The following ADGRB3 variants were observed in gnomAD, a reference collection of about 807,000 sequenced individuals.
ADGRB3 encodes the protein adhesion G protein-coupled receptor B3, also known as brain-specific angiogenesis inhibitor 3.
In ADGRB3, 37 loss-of-function variants were observed where a neutral mutation model predicts 193.4. That is an observed-to-expected ratio of 0.19 (90% CI 0.15 to 0.25). The LOEUF (loss-of-function observed/expected upper bound fraction) is 0.25. ADGRB3 is among the 10% of genes least tolerant of loss of function. The probability of loss-of-function intolerance (pLI) is 1.00; values close to 1 mark genes in which losing one functional copy is unlikely to be tolerated. For synonymous variants in ADGRB3, 690 were observed against 644.2 expected, an observed-to-expected ratio of 1.07 and a Z score of -1.08; for missense variants, 1,637 against 1,852.9, an observed-to-expected ratio of 0.88 and a Z score of 2.14.
Position 69,296,197 on chromosome 6 carries a change from G to A in ADGRB3, c.2815-28675G>A, listed in dbSNP as rs188144884. Among the ~76,000 whole-genome samples, 110 of 152,200 alleles carry A rather than the reference G, an allele frequency of 7.2e-4. 1 individual carries two copies. Among genetic ancestry groups the A allele is most frequent in the Non-Finnish European group, 1.1e-3 (76 of 67,998 alleles). ...GTTGATGAATATCCAAAGTGAGATA[G>A]GCTTATTATTGTTAATAGCTGCAAT... On this transcript the variant is annotated intron_variant, in intron 20 of 31. Transcript: ENST00000370598.
At chr6:68,993,035 G>A (rs1052731266) in intron 10 of ADGRB3, among the ~76,000 whole-genome samples, 4 of 151,684 alleles carry the variant, frequency 2.6e-5, no homozygotes, top group African/African-American at 4.8e-5. Context: ...CTATTCTTTC[G>A]CATTATAAGA....
intron 3 of ADGRB3, among the ~76,000 whole-genome samples, chr6:68,667,596 A>G (rs142739822): frequency 9.9e-5 from 15 of 152,134 alleles, no homozygotes; most frequent in Admixed American, 3.9e-4. Flanking sequence ...ACAAAATTTC[A>G]TAACTAACTT....
intron 3 of ADGRB3, among the ~76,000 whole-genome samples, chr6:68,760,884 A>G (rs947451816): frequency 2.6e-5 from 4 of 152,256 alleles, no homozygotes; most frequent in African/African-American, 7.2e-5. Context: ...CATGCAATTT[A>G]GATATGTGGC....
intron 16 of ADGRB3, among the ~76,000 whole-genome samples, chr6:69,075,187 A>G (rs538773036): frequency 1.3e-5 from 2 of 152,340 alleles, no homozygotes; most frequent in African/African-American, 4.8e-5. Context: ...ACACTTTAAA[A>G]GTGTATGCTC....
At chr6:69,116,327 C>A (rs567717632) in intron 17 of ADGRB3, among the ~76,000 whole-genome samples, 1 of 152,120 alleles carries the variant, frequency 6.6e-6, no homozygotes, top group Admixed American at 6.5e-5. Context: ...TAAAATTAAC[C>A]CTCTCAGCAT....
At chr6:69,011,867 G>A (rs1305655726) in intron 11 of ADGRB3, among the ~76,000 whole-genome samples, 1 of 151,866 alleles carries the variant, frequency 6.6e-6, no homozygotes, top group African/African-American at 2.4e-5. Flanking sequence ...CATTAGTCAG[G>A]GCGCTACTAC....
At chr6:68,761,957 A>G (rs1428558170) in intron 3 of ADGRB3, among the ~76,000 whole-genome samples, 1 of 152,150 alleles carries the variant, frequency 6.6e-6, no homozygotes, top group Non-Finnish European at 1.5e-5. Context: ...ATTCATATCA[A>G]TCATATAATG....
chr6:69,369,010 TG>T (rs1201782261), intron 29 of ADGRB3, among the ~76,000 whole-genome samples: 1 of 152,136 alleles, frequency 6.6e-6, no homozygotes, highest in Non-Finnish European at 1.5e-5. Flanking sequence ...TTTGCAAAAT[TG>T]GAATATATGT....
At chr6:68,720,761 T>A (rs1205491543) in intron 3 of ADGRB3, among the ~76,000 whole-genome samples, 1 of 151,774 alleles carries the variant, frequency 6.6e-6, no homozygotes, top group Non-Finnish European at 1.5e-5. Context: ...CCACTGAATT[T>A]ATGGGAAACA....
At chr6:69,226,811 G>A (rs1330875633) in intron 17 of ADGRB3, among the ~76,000 whole-genome samples, 1 of 152,210 alleles carries the variant, frequency 6.6e-6, no homozygotes, top group Admixed American at 6.5e-5. Context: ...CTAGTGGCTG[G>A]TGCCAGTCTC....
intron 17 of ADGRB3, among the ~76,000 whole-genome samples, chr6:69,195,276 T>C (rs1167184897): frequency 6.6e-6 from 1 of 152,090 alleles, no homozygotes; most frequent in Non-Finnish European, 1.5e-5. Context: ...ATGCCTATAA[T>C]CCCAGCACTT....
At chr6:68,803,794 C>G (rs886202184) in intron 3 of ADGRB3, among the ~76,000 whole-genome samples, 1 of 152,100 alleles carries the variant, frequency 6.6e-6, no homozygotes, top group Admixed American at 6.6e-5. Context: ...TTCTATTTAC[C>G]TTCAGTTCAA....
intron 3 of ADGRB3, among the ~76,000 whole-genome samples, chr6:68,776,394 G>A (rs1766748060): frequency 6.6e-6 from 1 of 152,134 alleles, no homozygotes; most frequent in Admixed American, 6.6e-5. Context: ...TGTGGCTGAG[G>A]AATAAACTAG....
rs539501698 is a variant in ADGRB3, at chr6:68,731,912, T to C, written c.757+92480T>C. Among the ~76,000 whole-genome samples the C allele has an allele frequency of 8.4e-4, 127 of 151,838 alleles. 2 individuals are homozygous for C. In the South Asian group the frequency reaches 0.025, roughly 30 times the overall value. ...ATTTAAATATATACATTGATATACA[T>C]TTATGCACATATATACATATGTCTT... On this transcript the variant is annotated intron_variant, in intron 3 of 31. Transcript: ENST00000370598.
intron 3 of ADGRB3, among the ~76,000 whole-genome samples, chr6:68,921,480 C>T (rs966131176): frequency 6.6e-6 from 1 of 152,136 alleles, no homozygotes; most frequent in Non-Finnish European, 1.5e-5. Flanking sequence ...GCCAACACTA[C>T]GTGTACTGAA....
chr6:68,899,711 A>C (rs1451449648), intron 3 of ADGRB3, among the ~76,000 whole-genome samples: 1 of 152,050 alleles, frequency 6.6e-6, no homozygotes, highest in Non-Finnish European at 1.5e-5. Context: ...AGTTGTTATC[A>C]TATTTATATA....
At chr6:68,907,032 A>C (rs1235458393) in intron 3 of ADGRB3, among the ~76,000 whole-genome samples, 1 of 151,954 alleles carries the variant, frequency 6.6e-6, no homozygotes, top group African/African-American at 2.4e-5. Flanking sequence ...TGAAAATAAT[A>C]TATATACAAA....
intron 20 of ADGRB3, among the ~76,000 whole-genome samples, chr6:69,319,573 C>T (rs151207483): frequency 1.8e-4 from 27 of 151,324 alleles, no homozygotes; most frequent in African/African-American, 5.3e-4. Context: ...ACAGTTCATC[C>T]TTGCAGTTTT....
At chr6:68,640,818 G>C (rs1325877896) in intron 3 of ADGRB3, among the ~76,000 whole-genome samples, 1 of 152,180 alleles carries the variant, frequency 6.6e-6, no homozygotes, top group Non-Finnish European at 1.5e-5. Context: ...GAAGAGCAAT[G>C]GTAGGAGAGG....
Sources: allele counts gnomAD v4.1 joint callset (sites outside exome capture counted in the v4.1 genomes callset), GRCh38; gene constraint gnomAD v4.1.1; transcripts MANE v1.5; gene names NCBI Gene and HGNC (gene_info 2026-07-23, HGNC 2026-07-21).